Variants in THSD7A observed in about 807,000 individuals in gnomAD.
THSD7A encodes the protein thrombospondin type 1 domain containing 7A, also known as thrombospondin type-1 domain-containing protein 7A.
Under a neutral mutation model 231.3 loss-of-function variants are expected in THSD7A, and 96 were observed. That is an observed-to-expected ratio of 0.41 (90% confidence interval 0.35 to 0.49). THSD7A has a LOEUF of 0.49. Among genes scored for constraint, THSD7A ranks in the 20% least tolerant of loss-of-function variants. The pLI, the probability that THSD7A is intolerant of heterozygous loss-of-function variation, is 0.05. For synonymous variants in THSD7A, 940 were observed against 743.3 expected, an observed-to-expected ratio of 1.26 and a Z score of -4.30; for missense variants, 2,290 against 2,070.2, an observed-to-expected ratio of 1.11 and a Z score of -2.06.
At chr7:11,564,517 C>G (rs1325113384) in intron 4 of THSD7A, among the ~76,000 whole-genome samples, 1 of 152,184 alleles carries the variant, frequency 6.6e-6, no homozygotes, top group Non-Finnish European at 1.5e-5. Context: ...TCCTAATTCT[C>G]TTACAAATAT....
chr7:11,521,860 C>A (rs1406117361), intron 6 of THSD7A, among the ~76,000 whole-genome samples: 1 of 151,882 alleles, frequency 6.6e-6, no homozygotes, highest in East Asian at 1.9e-4. Flanking sequence ...ATACAGGCAC[C>A]ATTCAGTAAA....
At chr7:11,491,459 G>C (rs557949183) in intron 6 of THSD7A, among the ~76,000 whole-genome samples, 2 of 152,054 alleles carry the variant, frequency 1.3e-5, no homozygotes, top group African/African-American at 4.8e-5. Flanking sequence ...TTTCAAAACT[G>C]TAATTTAAAC....
intron 1 of THSD7A, among the ~76,000 whole-genome samples, chr7:11,829,259 T>C (rs1255041750): frequency 3.9e-5 from 6 of 152,134 alleles, no homozygotes; most frequent in South Asian, 2.1e-4. Flanking sequence ...GTCAACTTTA[T>C]ATACCCTTAT....
chr7:11,477,866 G>A (rs1583817450), intron 7 of THSD7A, among the ~76,000 whole-genome samples: 1 of 152,042 alleles, frequency 6.6e-6, no homozygotes, highest in South Asian at 2.1e-4. Context: ...CAGTGAATGA[G>A]GCTAATATAT....
At position 11,710,765 on chromosome 7, in the gene THSD7A, A is replaced by T. The variant is rs113434222; in HGVS notation, c.191-73804T>A. ...AACATTCTGTTTGTTACATGCCCCT[A>T]TTTACAGACTATCATGTACTTTAGA... On this transcript the variant is annotated intron_variant, in intron 1 of 27. Coordinates refer to ENST00000423059, the MANE Select transcript of THSD7A (RefSeq NM_015204.3). Among the ~76,000 whole-genome samples the T allele has an allele frequency of 1.5e-3, 225 of 151,004 alleles. 2 individuals carry two copies. In the Middle Eastern group the frequency reaches 0.02, roughly 14 times the overall value.
rs755486650 is a variant in THSD7A at position 11,637,681 on chromosome 7, T to A, written c.191-720A>T. On this transcript the variant is annotated intron_variant, in intron 1 of 27. Coordinates refer to ENST00000423059, the MANE Select transcript of THSD7A (RefSeq NM_015204.3). This position sits in a 1 kb window ranked among gnomAD's most constrained non-coding sequence, Gnocchi z 4.2. Reference sequence around the variant, plus strand: ...AATTTTCTAATCATTGAGAGGTTATTTGGGGTCTTATTTATTTATTCATTT... The same window carrying A: ...AATTTTCTAATCATTGAGAGGTTATATGGGGTCTTATTTATTTATTCATTT... 6.6e-6 allele frequency among the ~76,000 whole-genome samples: 1 copy of A among 152,192 alleles called. No homozygotes were observed.
intron 1 of THSD7A, among the ~76,000 whole-genome samples, chr7:11,725,769 G>A (rs1781525327): frequency 6.6e-6 from 1 of 151,926 alleles, no homozygotes; most frequent in Non-Finnish European, 1.5e-5. Flanking sequence ...TGTGGGTGCA[G>A]ATCTCTAGCT....
intron 6 of THSD7A, among the ~76,000 whole-genome samples, chr7:11,518,976 G>T (rs1788150718): frequency 6.6e-6 from 1 of 152,086 alleles, no homozygotes; most frequent in Non-Finnish European, 1.5e-5. Flanking sequence ...TATGAACCAA[G>T]AATTCATTAT....
chr7:11,635,603 G>C (rs868445360), intron 2 of THSD7A, among the ~76,000 whole-genome samples: 5 of 152,084 alleles, frequency 3.3e-5, no homozygotes, highest in Non-Finnish European at 5.9e-5. Context: ...GCTGGTTGCT[G>C]TTTCCTTCTC....
chr7:11,733,320 T>A (rs1252845140), intron 1 of THSD7A, among the ~76,000 whole-genome samples: 1 of 151,916 alleles, frequency 6.6e-6, no homozygotes, highest in Non-Finnish European at 1.5e-5. Context: ...AGAAATTACA[T>A]CTTGATTTAT....
chr7:11,456,449 T>A (rs961782232), intron 11 of THSD7A, among the ~76,000 whole-genome samples: 2 of 152,096 alleles, frequency 1.3e-5, no homozygotes, highest in African/African-American at 4.8e-5. Context: ...TAAAATCTAC[T>A]ACTTTCATAA....
At position 11,778,166 on chromosome 7, in the gene THSD7A, A is replaced by AG. The variant is rs576815292; in HGVS notation, c.190+53590_190+53591insC. On this transcript the variant is annotated intron_variant, in intron 1 of 27. Transcript: ENST00000423059. The stretch of plus-strand genomic sequence containing the variant: ...AGCGAGACTCCGTCTCAAAAAAAAA[A>AG]AAAAAAAAAAAAGAAAGCCCTTTCC... 3.7e-4 allele frequency among the ~76,000 whole-genome samples: 54 copies of AG among 147,504 alleles called. 1 individual carries two copies. In the South Asian group the frequency reaches 0.012, roughly 32 times the overall value.
intron 7 of THSD7A, among the ~76,000 whole-genome samples, chr7:11,475,069 T>C (rs1786102630): frequency 6.6e-6 from 1 of 152,104 alleles, no homozygotes; most frequent in South Asian, 2.1e-4. Context: ...AGGTGTGACC[T>C]TGGCAATTAA....
chr7:11,651,999 T>A (rs796253349), intron 1 of THSD7A, among the ~76,000 whole-genome samples: 7 of 152,136 alleles, frequency 4.6e-5, no homozygotes, highest in African/African-American at 1.4e-4. Context: ...ATGTGTTGAT[T>A]TCTAGAATGA....
rs369768479 is a variant in THSD7A at position 11,651,138 on chromosome 7, C to T, written c.191-14177G>A. On this transcript the variant is annotated intron_variant, in intron 1 of 27. Coordinates refer to ENST00000423059, the MANE Select transcript of THSD7A (RefSeq NM_015204.3). ...AAAACGAAACTCTGATGCTACAACA[C>T]GGATGAGCCTGGAAAGATTATGCTA... Among the ~76,000 whole-genome samples the T allele has an allele frequency of 4.7e-4, 71 of 152,074 alleles. 2 individuals are homozygous for T. Among genetic ancestry groups the T allele is most frequent in the East Asian group, 1.4e-3 (7 of 5,136 alleles).
At chr7:11,603,003 C>T (rs902283275) in intron 2 of THSD7A, among the ~76,000 whole-genome samples, 1 of 150,916 alleles carries the variant, frequency 6.6e-6, no homozygotes, top group Non-Finnish European at 1.5e-5. Context: ...AAAGCAATGG[C>T]AACAAAAGAC....
chr7:11,582,869 G>T (rs1039518168), intron 4 of THSD7A, among the ~76,000 whole-genome samples: 1 of 151,924 alleles, frequency 6.6e-6, no homozygotes, highest in Non-Finnish European at 1.5e-5. Context: ...TGTCCCTAGT[G>T]TGGGTATTTT....
At chr7:11,398,918 C>G (rs950952199) in intron 23 of THSD7A, among the ~76,000 whole-genome samples, 1 of 152,138 alleles carries the variant, frequency 6.6e-6, no homozygotes, top group African/African-American at 2.4e-5. Context: ...CTTGAGACCA[C>G]GTGGGTAAAC....
At chr7:11,665,387 G>C (rs994770236) in intron 1 of THSD7A, among the ~76,000 whole-genome samples, 5 of 152,040 alleles carry the variant, frequency 3.3e-5, no homozygotes, top group African/African-American at 1.2e-4. Flanking sequence ...CTAATAAGTG[G>C]TAAGGTTGAG....
Sources: gnomAD v4.1 joint callset for allele counts (sites outside exome capture counted in the v4.1 genomes callset) on GRCh38, gnomAD v4.1.1 for gene constraint, Gnocchi (gnomAD v3.1) non-coding constraint, MANE v1.5 for transcripts, NCBI Gene and HGNC (gene_info 2026-07-23, HGNC 2026-07-21) for gene names.